Variants in COPB1 observed in about 807,000 individuals in gnomAD.
The protein encoded by COPB1 is coatomer subunit beta.
Under a neutral mutation model 108.7 loss-of-function variants are expected in COPB1, and 21 were observed. The observed-to-expected ratio is 0.19, with a 90% confidence interval of 0.14 to 0.28. The LOEUF is 0.28. Ranked by LOEUF, COPB1 falls within the 10% of genes least tolerant of loss-of-function variation. The probability of loss-of-function intolerance (pLI) is 1.00; values close to 1 mark genes in which losing one functional copy is unlikely to be tolerated. For synonymous variants in COPB1, 378 were observed against 386.8 expected (o/e 0.98, Z 0.27); for missense variants, 919 against 1,141.3 (o/e 0.81, Z 2.81).
At chr11:14,470,469 A>G (rs1193535866) in intron 14 of COPB1, among the ~76,000 whole-genome samples, 1 of 152,224 alleles carries the variant, frequency 6.6e-6, no homozygotes, top group African/African-American at 2.4e-5. Context: ...TTCATACTGA[A>G]GTCCGTATTA....
chr11:14,482,354 A>T (rs2134116010), intron 8 of COPB1, among the ~76,000 whole-genome samples: 1 of 152,268 alleles, frequency 6.6e-6, no homozygotes, highest in South Asian at 2.1e-4. Flanking sequence ...ATTCTCATGG[A>T]TTAAACAAAT....
In COPB1 at chr11:14,483,155, T is replaced by C; in HGVS notation, c.838-4A>G. 6.5e-7 allele frequency: 1 copy of C among 1,530,932 alleles called. No individual in the cohort carries two copies. Among genetic ancestry groups the C allele is most frequent in the Non-Finnish European group, 8.8e-7 (1 of 1,131,646 alleles). The allele number at this position is 1,530,932 out of a possible 1,614,324, so 94.8% of individuals were successfully genotyped here. ...CAATGTAACACTGAGCAGCAGCCTA[T>C]ATAAAAAAAGAAATACATTTTAAGA... On this transcript the variant is annotated splice_polypyrimidine_tract_variant and splice_region_variant and intron_variant, in intron 7 of 21. Coordinates refer to ENST00000439561, the MANE Select transcript of COPB1 (RefSeq NM_001144061.2).
intron 4 of COPB1, 97 bp from the exon 5 acceptor site, chr11:14,490,776 TTACAACA>T: frequency 1.5e-6 from 1 of 685,408 alleles, no homozygotes; most frequent in Admixed American, 3.3e-5. Flanking sequence ...TAATCAAACT[TTACAACA>T]TACTTTTGCT....
chr11:14,468,746 G>A lies in COPB1; in HGVS notation c.2080C>T (p.Leu694=). ...CTCTGTGTGTTACCCATTGCTGCCAGTAAACTCAGCTGAAACTGATCTTCC... is the reference window on the plus strand; with the variant it reads ...CTCTGTGTGTTACCCATTGCTGCCAATAAACTCAGCTGAAACTGATCTTCC... ...CKEDQFQLSL[L]AAMGNTQRKE... is the part of the protein sequence containing the mutation. Residue 694 remains leucine (L), a synonymous_variant, in exon 16 of 22, where the codon CTG becomes TTG. Coordinates refer to ENST00000439561, the MANE Select transcript of COPB1 (RefSeq NM_001144061.2). The A allele has an allele frequency of 6.2e-7, 1 of 1,614,152 alleles. No individual in the cohort carries two copies. The highest frequency in any genetic ancestry group is 1.3e-5 in the African/African-American group (1 of 75,038).
chr11:14,460,567 G>C (rs1350583930), intron 19 of COPB1, among the ~76,000 whole-genome samples: 2 of 151,704 alleles, frequency 1.3e-5, no homozygotes, highest in African/African-American at 2.4e-5. Context: ...ACCCAGGCTA[G>C]AGTGCAGTGC....
At chr11:14,460,435 T>C in intron 19 of COPB1, 138 bp from the exon 20 acceptor site, 5 of 582,698 alleles carry the variant, frequency 8.6e-6, no homozygotes, top group Non-Finnish European at 1.2e-5. Context: ...AAATAACATC[T>C]ATAAAATCCA....
chr11:14,464,242 G>A (rs1236063480), intron 18 of COPB1, among the ~76,000 whole-genome samples: 2 of 152,144 alleles, frequency 1.3e-5, no homozygotes, highest in Non-Finnish European at 2.9e-5. Flanking sequence ...CCTTTTCTAA[G>A]CTTTTCTCCC....
chr11:14,473,619 A>C (rs972750057), intron 14 of COPB1, among the ~76,000 whole-genome samples: 2 of 152,008 alleles, frequency 1.3e-5, no homozygotes, highest in Non-Finnish European at 2.9e-5. Flanking sequence ...TTACTATTTT[A>C]TATGGGAATG....
chr11:14,482,380 T>G (rs1850679144), intron 8 of COPB1, among the ~76,000 whole-genome samples: 1 of 152,228 alleles, frequency 6.6e-6, no homozygotes, highest in South Asian at 2.1e-4. Context: ...GATAATTTTC[T>G]AGAATCAGAT....
In COPB1 at chr11:14,499,793, C is replaced by T. The variant is rs1196629264; in HGVS notation, c.-144G>A. On this transcript the variant is annotated 5_prime_UTR_variant, in exon 1 of 22. Transcript: ENST00000439561. ...GCAGCCGCGGATCCGTCTACTGCGGCTCCGTCTACTCCGGCTATGAACCGC... is the reference window on the plus strand; with the variant it reads ...GCAGCCGCGGATCCGTCTACTGCGGTTCCGTCTACTCCGGCTATGAACCGC... 6.5e-6 allele frequency: 1 copy of T among 152,930 alleles called. No individual in the cohort carries two copies. The highest frequency in any genetic ancestry group is 1.5e-5 in the Non-Finnish European group (1 of 68,692). 9.5% of individuals were successfully genotyped at this position (152,930 alleles called of 1,614,324 possible).
chr11:14,485,357 G>C (rs1267320561), intron 7 of COPB1, among the ~76,000 whole-genome samples: 2 of 152,026 alleles, frequency 1.3e-5, no homozygotes, highest in South Asian at 2.1e-4. Flanking sequence ...TGTACAGATA[G>C]AGTCTCTCTT....
Position 14,494,409 on chromosome 11 carries a change from G to GA in COPB1, c.121_122insT (p.Ala41ValfsTer13). 1 of 1,603,830 alleles carries GA rather than the reference G, an allele frequency of 6.2e-7. No homozygotes were observed. Among genetic ancestry groups the GA allele is most frequent in the Non-Finnish European group, 8.5e-7 (1 of 1,173,172 alleles). The stretch of plus-strand genomic sequence containing the variant: ...AATCATAATGATTACTTTCTTCAAA[G>GA]CTTCAGTCTTTGACTTTACATCTCC... On this transcript the variant is annotated frameshift_variant, in exon 3 of 22. Coordinates refer to ENST00000439561, the MANE Select transcript of COPB1 (RefSeq NM_001144061.2). LOFTEE classifies it high-confidence loss of function.
Position 14,468,810 on chromosome 11 carries a change from G to A in COPB1, c.2016C>T (p.Ser672=). Residue 672 remains serine, a synonymous_variant, in exon 16 of 22, where the codon TCC becomes TCT. Coordinates refer to ENST00000439561, the MANE Select transcript of COPB1 (RefSeq NM_001144061.2). Reference sequence around the variant, plus strand: ...CATTCTTAGCAGTTAGTTGCATGAAGGAAATGGGGTCATCAGGCTGTACTG... The same window carrying A: ...CATTCTTAGCAGTTAGTTGCATGAAAGAAATGGGGTCATCAGGCTGTACTG... The part of the protein sequence containing the change: ...NVTVQPDDPI[S]FMQLTAKNEM... 1 of 1,614,034 alleles carries A rather than the reference G, an allele frequency of 6.2e-7. No homozygotes were observed. The highest frequency in any genetic ancestry group is 8.5e-7 in the Non-Finnish European group (1 of 1,179,954).
chr11:14,491,897 T>G lies in COPB1; in HGVS notation c.492-1218A>C, dbSNP rs1335130788. 3.3e-5 allele frequency among the ~76,000 whole-genome samples: 5 copies of G among 152,356 alleles called. No individual in the cohort carries two copies. The South Asian group carries it at 1.0e-3, about 32-fold the overall frequency. ...ACATAGTCCCTTGAATTTTATTAGT[T>G]GTGTACTATTTGCTTACTGACTTGC... On this transcript the variant is annotated intron_variant, in intron 4 of 21. Coordinates refer to ENST00000439561, the MANE Select transcript of COPB1 (RefSeq NM_001144061.2).
Position 14,483,048 on chromosome 11 carries a change from T to C in COPB1, c.941A>G (p.His314Arg). 1 of 1,572,784 alleles carries C rather than the reference T, an allele frequency of 6.4e-7. No individual in the cohort carries two copies. Among genetic ancestry groups the C allele is most frequent in the Non-Finnish European group, 8.7e-7 (1 of 1,149,482 alleles). Residue 314 changes from histidine (H) to arginine (R), a missense_variant, in exon 8 of 22, where the codon CAT (histidine) becomes CGT (arginine). By Grantham distance (29) the His-to-Arg change is conservative. Around this residue, in one of 5 missense-constraint regions of COPB1, gnomAD observed 705 missense variants for 817.8 expected, o/e 0.86. Coordinates refer to ENST00000439561, the MANE Select transcript of COPB1 (RefSeq NM_001144061.2). Reference sequence around the variant, plus strand: ...AACACTTACCTGTAGTACTCGTTCATGAGCAGGATGCTCTTTTAATTCTAT... The same window carrying C: ...AACACTTACCTGTAGTACTCGTTCACGAGCAGGATGCTCTTTTAATTCTAT... ...RLIELKEHPA[H>R]ERVLQDLVMD...
intron 3 of COPB1, 89 bp from the exon 4 acceptor site, chr11:14,493,900 T>G: frequency 2.5e-6 from 3 of 1,184,356 alleles, no homozygotes; most frequent in Non-Finnish European, 3.4e-6. Context: ...GGAAAAAAAA[T>G]ACGTTTGAGA....
At position 14,488,572 on chromosome 11, in the gene COPB1, C is replaced by T; in HGVS notation, c.619G>A (p.Asp207Asn). 2 of 1,601,852 alleles carry T rather than the reference C, an allele frequency of 1.2e-6. No homozygotes were observed. Among genetic ancestry groups the T allele is most frequent in the East Asian group, 2.2e-5 (1 of 44,658 alleles). ...LIHADQDRAL[D>N]YLSTCIDQVQ... ...TGATCAATGCAAGTACTTAAGTAAT[C>T]CAAAGCTCGATCCTAAAAAAAATAA... The change falls in exon 6 of 22, where the codon GAT (aspartate) becomes AAT (asparagine). Residue 207 changes from aspartate (D) to asparagine (N), a missense_variant. By Grantham distance (23) the Asp-to-Asn change is conservative. This residue lies in a region of COPB1 where 78 missense variants were observed against 95.4 expected (regional missense o/e 0.82). Transcript: ENST00000439561.
rs148786177 is a variant in COPB1 at position 14,477,132 on chromosome 11, C to A, written c.1359-117G>T. 1,496 of 716,554 alleles carry A rather than the reference C, an allele frequency of 2.1e-3. 16 individuals are homozygous for A. The African/African-American group carries it at 0.024, about 11-fold the overall frequency. 44.4% of individuals were successfully genotyped at this position (716,554 alleles called of 1,614,324 possible). A position where few individuals can be genotyped will look rare whatever the true frequency, so the allele number is the denominator to read the frequency against. ...GGGCCAGGCACTCACGCCTGTAATC[C>A]CAGCACTTTGGGAGGCCGAGGCGGG... On this transcript the variant is annotated intron_variant, in intron 11 of 21. Transcript: ENST00000439561.
At position 14,493,651 on chromosome 11, in the gene COPB1, G is replaced by A; in HGVS notation, c.482C>T (p.Thr161Ile). ...VRRNAVLAIY[T>I]IYRNFEHLIP... Reference sequence around the variant, plus strand: ...CAGTATCTTTATTTACCTATAGATGGTATAGATGGCCAAAACAGCATTTCT... The same window carrying A: ...CAGTATCTTTATTTACCTATAGATGATATAGATGGCCAAAACAGCATTTCT... The change falls in exon 4 of 22, where the codon ACC (threonine) becomes ATC (isoleucine). Residue 161 changes from threonine (T) to isoleucine (I), a missense_variant. Physicochemically the swap from Thr to Ile is moderately conservative, Grantham distance 89. Transcript: ENST00000439561. 6.2e-7 allele frequency: 1 copy of A among 1,610,642 alleles called. No homozygotes were observed. The highest frequency in any genetic ancestry group is 8.5e-7 in the Non-Finnish European group (1 of 1,178,882).
Sources: gnomAD v4.1 joint callset for allele counts (sites outside exome capture counted in the v4.1 genomes callset) on GRCh38, gnomAD v4.1.1 for gene constraint, gnomAD v4.1.1 regional missense constraint, MANE v1.5 for transcripts, NCBI Gene and HGNC (gene_info 2026-07-23, HGNC 2026-07-21) for gene names.